The following KLHL13 variants were observed in gnomAD, a reference collection of about 807,000 sequenced individuals.
KLHL13 encodes kelch-like protein 13.
KLHL13 carries 10 observed loss-of-function variants against 37.1 expected under a neutral mutation model. The ratio of observed to expected loss-of-function variants is 0.27; its 90% confidence interval spans 0.17 to 0.46. KLHL13 has a LOEUF of 0.46. Among genes scored for constraint, KLHL13 ranks in the 20% least tolerant of loss-of-function variants. The probability of loss-of-function intolerance (pLI) is 1.00; values close to 1 mark genes in which losing one functional copy is unlikely to be tolerated. For synonymous variants in KLHL13, 163 were observed against 181.2 expected (o/e 0.90, Z 0.81); for missense variants, 360 against 509.3 (o/e 0.71, Z 2.82).
chrX:118,094,907 G>T (rs2055183968), intron 1 of KLHL13, among the ~76,000 whole-genome samples: 1 of 111,522 alleles, frequency 9.0e-6, no homozygotes, highest in Non-Finnish European at 1.9e-5. Context: ...ACATGGAAAG[G>T]AACAACTGGT....
At chrX:118,106,659 T>C (rs769209659) in intron 1 of KLHL13, among the ~76,000 whole-genome samples, 22 of 111,703 alleles carry the variant, frequency 2.0e-4, no homozygotes, top group Non-Finnish European at 3.2e-4. Context: ...TCTTTTCCCT[T>C]CTGTGCACCT....
intron 1 of KLHL13, among the ~76,000 whole-genome samples, chrX:118,011,091 A>C (rs1436312103): frequency 2.8e-5 from 3 of 108,505 alleles, no homozygotes; most frequent in Non-Finnish European, 5.7e-5. Context: ...TAAATAAATA[A>C]ATAAATAAAT....
At chrX:117,942,521 G>A (rs1002323958) in intron 2 of KLHL13, among the ~76,000 whole-genome samples, 2 of 111,505 alleles carry the variant, frequency 1.8e-5, no homozygotes, top group African/African-American at 6.5e-5. Flanking sequence ...CCTGTAGTGG[G>A]TGCATATATA....
chrX:118,043,689 G>A (rs972606833), intron 1 of KLHL13, among the ~76,000 whole-genome samples: 4 of 111,275 alleles, frequency 3.6e-5, no homozygotes, highest in Non-Finnish European at 5.7e-5. Context: ...ATTCAACATC[G>A]CTTCATGATA....
chrX:117,920,879 T>C (rs1034443532), intron 2 of KLHL13, among the ~76,000 whole-genome samples: 1 of 111,763 alleles, frequency 8.9e-6, no homozygotes, highest in Non-Finnish European at 1.9e-5. Context: ...TTACTTCATC[T>C]CTTTGAGAAG....
At chrX:118,038,992 C>T (rs2054479824) in intron 1 of KLHL13, among the ~76,000 whole-genome samples, 1 of 112,348 alleles carries the variant, frequency 8.9e-6, no homozygotes, top group Non-Finnish European at 1.9e-5. Flanking sequence ...AGGCACAGTT[C>T]TGAAGCCCCC....
intron 1 of KLHL13, among the ~76,000 whole-genome samples, chrX:118,075,881 A>T (rs2054923166): frequency 8.9e-6 from 1 of 112,062 alleles, no homozygotes; most frequent in Non-Finnish European, 1.9e-5. Context: ...CTAGTGTAAT[A>T]GTCTGCTAGG....
chrX:118,036,361 C>A (rs181612920), intron 1 of KLHL13, among the ~76,000 whole-genome samples: 130 of 111,684 alleles, frequency 1.2e-3, no homozygotes, highest in African/African-American at 3.8e-3. Context: ...AGGCTACAGT[C>A]ACCAAAACAG....
intron 2 of KLHL13, among the ~76,000 whole-genome samples, chrX:117,940,461 T>C (rs772423356): frequency 8.9e-6 from 1 of 111,755 alleles, no homozygotes; most frequent in South Asian, 3.8e-4. Context: ...TAAAGTAGCT[T>C]TTTTCTAATT....
rs1161183231 is a variant in KLHL13, at chrX:117,932,910, C to A, written c.240+12524G>T. On this transcript the variant is annotated intron_variant, in intron 2 of 6. Coordinates refer to ENST00000262820, the Ensembl canonical transcript of KLHL13. The stretch of plus-strand genomic sequence containing the variant: ...GCCTTTTTTATAATAACCATTCTAA[C>A]TGAGATGAGATGATTTTGCATTGTG... Among the ~76,000 whole-genome samples, 8 of 111,728 alleles carry A rather than the reference C, an allele frequency of 7.2e-5. No homozygotes were observed. The East Asian group carries it at 2.2e-3, about 31-fold the overall frequency.
chrX:117,983,452 G>A, intron 1 of KLHL13: 1 of 977,786 alleles, frequency 1.0e-6, no homozygotes, highest in Non-Finnish European at 1.4e-6. Context: ...AAAAAAAGGT[G>A]AGGAAAAATG....
intron 1 of KLHL13, among the ~76,000 whole-genome samples, chrX:117,980,942 T>G (rs1248371101): frequency 1.8e-5 from 2 of 111,850 alleles, no homozygotes; most frequent in Non-Finnish European, 3.8e-5. Flanking sequence ...TATGCCACTA[T>G]CCAAGAGACT....
At chrX:117,979,394 C>T (rs1486953425) in intron 1 of KLHL13, among the ~76,000 whole-genome samples, 1 of 111,726 alleles carries the variant, frequency 9.0e-6, no homozygotes, top group Admixed American at 9.5e-5. Flanking sequence ...TATTACCACA[C>T]CCTGTGCTAT....
chrX:118,081,330 G>T (rs2054991276), intron 1 of KLHL13, among the ~76,000 whole-genome samples: 1 of 111,907 alleles, frequency 8.9e-6, no homozygotes, highest in South Asian at 3.7e-4. Context: ...CATCAGATAT[G>T]TCAAGGGGGT....
intron 1 of KLHL13, among the ~76,000 whole-genome samples, chrX:117,952,922 T>C (rs1203708185): frequency 9.1e-6 from 1 of 110,039 alleles, no homozygotes; most frequent in Non-Finnish European, 1.9e-5. Context: ...CTGGAGAGGA[T>C]GTGGAGAAAT....
chrX:118,002,559 C>T (rs180680029), intron 1 of KLHL13, among the ~76,000 whole-genome samples: 3 of 107,705 alleles, frequency 2.8e-5, no homozygotes, highest in Admixed American at 1.0e-4. Context: ...CACCATTGCA[C>T]TCCAGCCTGG....
chrX:117,973,413 G>A (rs983255046), exon 1 of KLHL13: 2 of 964,197 alleles, frequency 2.1e-6, no homozygotes, highest in African/African-American at 4.0e-5. Flanking sequence ...CGCTAATAGA[G>A]ATCAGTGACT....
intron 1 of KLHL13, among the ~76,000 whole-genome samples, chrX:118,031,624 T>C (rs1291860769): frequency 1.0e-5 from 1 of 95,491 alleles, no homozygotes; most frequent in Non-Finnish European, 2.1e-5. Flanking sequence ...TATATTTAGT[T>C]GTATATATAT....
chrX:117,938,549 A>G (rs1260030949), intron 2 of KLHL13, among the ~76,000 whole-genome samples: 1 of 111,300 alleles, frequency 9.0e-6, no homozygotes, highest in African/African-American at 3.3e-5. Flanking sequence ...TGATTCTGAC[A>G]TGCACTAAAA....
Sources: gnomAD v4.1 joint callset for allele counts (sites outside exome capture counted in the v4.1 genomes callset) on GRCh38, gnomAD v4.1.1 for gene constraint, MANE v1.5 for transcripts, NCBI Gene and HGNC (gene_info 2026-07-23, HGNC 2026-07-21) for gene names.